COL14A1: variants seen among roughly 807,000 people sequenced by gnomAD.
COL14A1 encodes collagen alpha-1(XIV) chain.
Under a neutral mutation model 230.3 loss-of-function variants are expected in COL14A1, and 136 were observed. The ratio of observed to expected loss-of-function variants is 0.59; its 90% CI spans 0.51 to 0.68. The LOEUF is 0.68. Ranked by LOEUF, COL14A1 falls within the 30% of genes least tolerant of loss-of-function variation. The probability of loss-of-function intolerance (pLI) is 0.00; values close to 1 mark genes in which losing one functional copy is unlikely to be tolerated. For synonymous variants in COL14A1, 792 were observed against 784.1 expected, an observed-to-expected ratio of 1.01 and a Z score of -0.17; for missense variants, 1,976 against 2,215.8, an observed-to-expected ratio of 0.89 and a Z score of 2.17.
At position 120,373,334 on chromosome 8, in the gene COL14A1, A is replaced by G. The variant is rs1017944426; in HGVS notation, c.*2103A>G. 4.1e-4 allele frequency among the ~76,000 whole-genome samples: 62 copies of G among 152,282 alleles called. No homozygotes were observed. The highest frequency in any genetic ancestry group is 1.4e-3 in the African/African-American group (59 of 41,564). On this transcript the variant is annotated 3_prime_UTR_variant, in exon 48 of 48. Coordinates refer to ENST00000297848, the MANE Select transcript of COL14A1 (RefSeq NM_021110.4). Reference sequence around the variant, plus strand: ...TTTAAGCTGCAAGAAAGTTACATTAATTTGGAATGTGTCATCACTTGGACC... The same window carrying G: ...TTTAAGCTGCAAGAAAGTTACATTAGTTTGGAATGTGTCATCACTTGGACC...
chr8:120,304,481 G>A lies in COL14A1; in HGVS notation c.4401+3663G>A, dbSNP rs543012287. The stretch of plus-strand genomic sequence containing the variant: ...TAGTTTCAAAGAACTTCTTGACCCT[G>A]CTTAATTTTAATTTTTTATATATCC... On this transcript the variant is annotated intron_variant, in intron 36 of 47. Coordinates refer to ENST00000297848, the MANE Select transcript of COL14A1 (RefSeq NM_021110.4). Among the ~76,000 whole-genome samples, 6 of 152,070 alleles carry A rather than the reference G, an allele frequency of 3.9e-5. No individual in the cohort carries two copies. The East Asian group carries it at 9.6e-4, about 24-fold the overall frequency.
At chr8:120,132,646 C>T (rs994361869) in intron 1 of COL14A1, among the ~76,000 whole-genome samples, 16 of 149,956 alleles carry the variant, frequency 1.1e-4, no homozygotes, top group Admixed American at 6.0e-4. Context: ...TTTTGGGTAA[C>T]GTTCTTTTTT....
chr8:120,372,034 A>G lies in COL14A1; in HGVS notation c.*803A>G, dbSNP rs1243356207. 6.1e-6 allele frequency: 1 copy of G among 165,170 alleles called. No homozygotes were observed. Among genetic ancestry groups the G allele is most frequent in the Non-Finnish European group, 1.3e-5 (1 of 76,536 alleles). The allele number at this position is 165,170 out of a possible 1,614,324, so 10.2% of individuals were successfully genotyped here. On this transcript the variant is annotated 3_prime_UTR_variant, in exon 48 of 48. Transcript: ENST00000297848. ...TGTAAGCAAATAAAACTTTAAAACA[A>G]TGTATGTGGATTCTTTTTCCTGCAT...
chr8:120,125,234 G>A lies in COL14A1; in HGVS notation c.-144G>A, dbSNP rs887023097. On this transcript the variant is annotated 5_prime_UTR_variant, in exon 1 of 48. Coordinates refer to ENST00000297848, the MANE Select transcript of COL14A1 (RefSeq NM_021110.4). ...CTAATTAAAAAAGGATACTCCGAGG[G>A]AAGAGAGCAAGGGCGGTGCGCCGCC... is the stretch of plus-strand genomic sequence containing the variant. The A allele has an allele frequency of 6.6e-6, 1 of 152,418 alleles. No individual in the cohort carries two copies. Among genetic ancestry groups the A allele is most frequent in the African/African-American group, 2.4e-5 (1 of 41,482 alleles). The allele number at this position is 152,418 out of a possible 1,614,324, so 9.4% of individuals were successfully genotyped here.
chr8:120,250,747 G>A lies in COL14A1; in HGVS notation c.2733G>A (p.Leu911=). 1 of 1,614,160 alleles carries A rather than the reference G, an allele frequency of 6.2e-7. No individual in the cohort carries two copies. The highest frequency in any genetic ancestry group is 8.5e-7 in the Non-Finnish European group (1 of 1,180,034). ...AGGCCTCAGGCTTCAGCGACGCCCT[G>A]ACAGGCATGGTGAAAACATGTAAGA... The part of the protein sequence containing the change: ...ASQASGFSDA[L]TGMVKTLFLG... Residue 911 remains leucine, a synonymous_variant, in exon 22 of 48, where the codon CTG becomes CTA. Transcript: ENST00000297848.
At position 120,371,880 on chromosome 8, in the gene COL14A1, T is replaced by C. The variant is rs1812169856; in HGVS notation, c.*649T>C. On this transcript the variant is annotated 3_prime_UTR_variant, in exon 48 of 48. Transcript: ENST00000297848. ...TGAAATAATGATTTTCCACCAGCTC[T>C]GATGCAAAGAGATATAATTTTAATG... The C allele has an allele frequency of 5.5e-6, 2 of 364,604 alleles. No individual in the cohort carries two copies. The highest frequency in any genetic ancestry group is 4.9e-6 in the Non-Finnish European group (1 of 203,952). 22.6% of individuals were successfully genotyped at this position (364,604 alleles called of 1,614,324 possible).
intron 23 of COL14A1, among the ~76,000 whole-genome samples, chr8:120,256,501 T>TGGCAC (rs1443639251): frequency 1.3e-5 from 2 of 152,206 alleles, no homozygotes; most frequent in African/African-American, 4.8e-5. Context: ...GATAGACATG[T>TGGCAC]GGCACCACTG....
chr8:120,256,003 T>G (rs563500770), intron 23 of COL14A1, among the ~76,000 whole-genome samples: 8 of 152,304 alleles, frequency 5.3e-5, no homozygotes, highest in African/African-American at 1.7e-4. Flanking sequence ...AATCAGTATC[T>G]AGAGCCGGTT....
At chr8:120,224,379 A>G (rs1202448263) in intron 14 of COL14A1, among the ~76,000 whole-genome samples, 1 of 152,184 alleles carries the variant, frequency 6.6e-6, no homozygotes, top group Non-Finnish European at 1.5e-5. Context: ...TACTGTGAAA[A>G]GGAAAATGAA....
chr8:120,170,243 G>C (rs989757187), intron 5 of COL14A1, among the ~76,000 whole-genome samples: 1 of 151,760 alleles, frequency 6.6e-6, no homozygotes, highest in African/African-American at 2.4e-5. Context: ...CCAGAGTTGA[G>C]TGTTTATCCC....
chr8:120,304,099 T>A (rs926510786), intron 36 of COL14A1, among the ~76,000 whole-genome samples: 1 of 152,158 alleles, frequency 6.6e-6, no homozygotes, highest in Admixed American at 6.5e-5. Flanking sequence ...CCTTTGTCAT[T>A]TGTAATTGTA....
intron 5 of COL14A1, among the ~76,000 whole-genome samples, chr8:120,195,297 T>C (rs528865695): frequency 2.0e-5 from 3 of 152,260 alleles, no homozygotes; most frequent in Admixed American, 6.5e-5. Context: ...ACTTCTGTAT[T>C]TTGGTTTTCA....
chr8:120,215,289 T>G (rs929572988), intron 13 of COL14A1, among the ~76,000 whole-genome samples: 16 of 151,966 alleles, frequency 1.1e-4, no homozygotes, highest in Non-Finnish European at 2.2e-4. Context: ...GAGAATCACT[T>G]AAATCTGGGA....
intron 5 of COL14A1, among the ~76,000 whole-genome samples, chr8:120,191,787 T>C (rs1417037411): frequency 6.6e-6 from 1 of 152,152 alleles, no homozygotes; most frequent in Non-Finnish European, 1.5e-5. Context: ...TTGATCCCTT[T>C]ACAATTATGT....
At position 120,373,044 on chromosome 8, in the gene COL14A1, G is replaced by A. The variant is rs1229579894; in HGVS notation, c.*1813G>A. Among the ~76,000 whole-genome samples, 1 of 152,164 alleles carries A rather than the reference G, an allele frequency of 6.6e-6. No homozygotes were observed. Reference sequence around the variant, plus strand: ...AGAACTCTTCCAACTTAAATGACTAGGGTGTGTAATCAGTTGCTTCTTATT... The same window carrying A: ...AGAACTCTTCCAACTTAAATGACTAAGGTGTGTAATCAGTTGCTTCTTATT... On this transcript the variant is annotated 3_prime_UTR_variant, in exon 48 of 48. Coordinates refer to ENST00000297848, the MANE Select transcript of COL14A1 (RefSeq NM_021110.4).
At chr8:120,131,183 A>G (rs1443885360) in intron 1 of COL14A1, among the ~76,000 whole-genome samples, 1 of 152,130 alleles carries the variant, frequency 6.6e-6, no homozygotes, top group Non-Finnish European at 1.5e-5. Context: ...TGAACATAGG[A>G]GTGCATGTGT....
At chr8:120,194,769 A>G (rs953926016) in intron 5 of COL14A1, among the ~76,000 whole-genome samples, 2 of 152,236 alleles carry the variant, frequency 1.3e-5, no homozygotes, top group African/African-American at 4.8e-5. Context: ...TTTGGAAAAG[A>G]AAGAAAACTA....
chr8:120,324,124 T>G (rs1345601515), intron 40 of COL14A1, among the ~76,000 whole-genome samples: 3 of 152,052 alleles, frequency 2.0e-5, no homozygotes, highest in African/African-American at 7.2e-5. Context: ...TTGGGTACTA[T>G]GCTTATTACC....
At chr8:120,236,976 C>T (rs181589893) in intron 19 of COL14A1, among the ~76,000 whole-genome samples, 4 of 152,324 alleles carry the variant, frequency 2.6e-5, no homozygotes, top group African/African-American at 4.8e-5. Context: ...AGAGTTTCTG[C>T]AGAGAGATCC....
Sources: allele counts gnomAD v4.1 joint callset (sites outside exome capture counted in the v4.1 genomes callset), GRCh38; gene constraint gnomAD v4.1.1; transcripts MANE v1.5; gene names NCBI Gene and HGNC (gene_info 2026-07-23, HGNC 2026-07-21).